Variants in JARID2 observed in about 807,000 individuals in gnomAD.
JARID2 encodes protein Jumonji.
A neutral mutation model predicts 125.6 loss-of-function variants in JARID2; 21 were observed. That is an observed-to-expected ratio of 0.17 (90% CI 0.12 to 0.24). The LOEUF is 0.24. Ranked by LOEUF, JARID2 falls within the 10% of genes least tolerant of loss-of-function variation. The pLI is 1.00. For missense variants in JARID2, 1,303 were observed against 1,639.6 expected (o/e 0.79, Z 3.55); for synonymous variants, 736 against 661.6 (o/e 1.11, Z -1.73).
chr6:15,479,448 A>T (rs9476830), intron 5 of JARID2, among the ~76,000 whole-genome samples: 2 of 152,260 alleles, frequency 1.3e-5, no homozygotes, highest in Admixed American at 6.5e-5. Context: ...ATCATTGCAC[A>T]TAATGCATTC....
chr6:15,265,295 C>T (rs919520006), intron 1 of JARID2, among the ~76,000 whole-genome samples: 3 of 151,164 alleles, frequency 2.0e-5, no homozygotes, highest in African/African-American at 7.3e-5. Context: ...CTTGACTACT[C>T]TTTGGAGGAA....
At chr6:15,517,433 T>C (rs1004366065) in intron 17 of JARID2, among the ~76,000 whole-genome samples, 165 bp downstream of exon 17, 1 of 152,142 alleles carries the variant, frequency 6.6e-6, no homozygotes, top group African/African-American at 2.4e-5. Flanking sequence ...TCAGGCCCCA[T>C]GTTAGGATCC....
chr6:15,377,622 C>T lies in JARID2; in HGVS notation c.181+3370C>T, dbSNP rs578041062. On this transcript the variant is annotated intron_variant, in intron 2 of 17. Transcript: ENST00000341776. ...CTGCGATTACAGGCATGCACCACCA[C>T]ACCTGGGCAACAAATTGAGACCCTG... Among the ~76,000 whole-genome samples the T allele has an allele frequency of 6.6e-5, 10 of 152,220 alleles. No individual in the cohort carries two copies. In the East Asian group the frequency reaches 1.7e-3, roughly 26 times the overall value.
rs371452020 is a variant in JARID2, at chr6:15,261,011, G to A, written c.45+14427G>A. On this transcript the variant is annotated intron_variant, in intron 1 of 17. Transcript: ENST00000341776. ...CTTTCCAGAATTTATTGGAGCATTA[G>A]GCAAAAGCCTCTTGGGAGTATAAAT... Among the ~76,000 whole-genome samples, 25 of 152,166 alleles carry A rather than the reference G, an allele frequency of 1.6e-4. No homozygotes were observed. The East Asian group carries it at 4.4e-3, about 27-fold the overall frequency.
At chr6:15,308,111 C>T (rs1761898851) in intron 1 of JARID2, among the ~76,000 whole-genome samples, 1 of 152,340 alleles carries the variant, frequency 6.6e-6, no homozygotes, top group Middle Eastern at 3.4e-3. Context: ...ACCCTCACCC[C>T]TTAGCAGCTT....
chr6:15,319,069 T>C (rs1463900896), intron 1 of JARID2, among the ~76,000 whole-genome samples: 2 of 152,246 alleles, frequency 1.3e-5, no homozygotes, highest in African/African-American at 4.8e-5. Flanking sequence ...CCTTTTGTAT[T>C]TACATAGAAA....
chr6:15,436,332 C>T (rs149062385), intron 3 of JARID2, among the ~76,000 whole-genome samples: 32 of 152,312 alleles, frequency 2.1e-4, no homozygotes, highest in Admixed American at 5.2e-4. Context: ...CCCCTGGAGG[C>T]GGGCTGCACG....
intron 4 of JARID2, among the ~76,000 whole-genome samples, chr6:15,452,619 C>G (rs1767969513): frequency 6.6e-6 from 1 of 152,272 alleles, no homozygotes; most frequent in Non-Finnish European, 1.5e-5. Context: ...ACTTACGGTT[C>G]TCTCAGCCCT....
At chr6:15,325,745 G>T (rs72834573) in intron 1 of JARID2, among the ~76,000 whole-genome samples, 1 of 152,132 alleles carries the variant, frequency 6.6e-6, no homozygotes, top group Non-Finnish European at 1.5e-5. Context: ...TTTCCAAGGC[G>T]AAAAGTAGTA....
intron 4 of JARID2, among the ~76,000 whole-genome samples, chr6:15,467,441 G>A (rs189576971): frequency 1.8e-4 from 27 of 151,930 alleles, no homozygotes; most frequent in Admixed American, 1.7e-3. Flanking sequence ...TTGTGTTTTA[G>A]AAGCCTCTGG....
chr6:15,258,584 C>T (rs1373039580), intron 1 of JARID2, among the ~76,000 whole-genome samples: 2 of 152,162 alleles, frequency 1.3e-5, no homozygotes, highest in African/African-American at 4.8e-5. Context: ...GAGTTTGAGG[C>T]CAGCCTGACT....
Position 15,419,717 on chromosome 6 carries a change from C to T in JARID2, c.323+9352C>T, listed in dbSNP as rs529895039. Among the ~76,000 whole-genome samples the T allele has an allele frequency of 9.9e-5, 15 of 152,284 alleles. No individual in the cohort carries two copies. The South Asian group carries it at 2.1e-3, about 21-fold the overall frequency. ...CTTCAGTGACACTGCCCCACTGTCC[C>T]GATGTGCATCATTTCTGATGAGAAT... On this transcript the variant is annotated intron_variant, in intron 3 of 17. Transcript: ENST00000341776.
chr6:15,402,711 C>T (rs897659048), intron 2 of JARID2, among the ~76,000 whole-genome samples: 1 of 152,124 alleles, frequency 6.6e-6, no homozygotes, highest in African/African-American at 2.4e-5. Context: ...CGGCTTTTGA[C>T]CTTGGAGGTG....
intron 12 of JARID2, among the ~76,000 whole-genome samples, chr6:15,509,632 T>C (rs1400013150): frequency 6.6e-6 from 1 of 152,250 alleles, no homozygotes; most frequent in Admixed American, 6.5e-5. Flanking sequence ...GCCAGGACTA[T>C]TCCGAGAGGT....
Position 15,496,516 on chromosome 6 carries a change from C to G in JARID2, c.1291C>G (p.Leu431Val). ...EVGGRQLREG[L>V]QLREGLRNSK... ...GGGGGGGCGGCAGCTGCGGGAGGGC[C>G]TGCAGCTGCGGGAGGGGCTGCGGAA... The change falls in exon 7 of 18, where the codon CTG (leucine) becomes GTG (valine). Residue 431 changes from leucine to valine, a missense_variant. Physicochemically the swap from Leu to Val is conservative, Grantham distance 32. This residue lies in a region of JARID2 where 651 missense variants were observed against 581.6 expected (regional missense o/e 1.12). Coordinates refer to ENST00000341776, the MANE Select transcript of JARID2 (RefSeq NM_004973.4). 6.2e-7 allele frequency: 1 copy of G among 1,605,814 alleles called. No homozygotes were observed. Among genetic ancestry groups the G allele is most frequent in the Non-Finnish European group, 8.5e-7 (1 of 1,176,584 alleles).
At chr6:15,438,023 T>C (rs779356712) in intron 3 of JARID2, among the ~76,000 whole-genome samples, 2 of 152,218 alleles carry the variant, frequency 1.3e-5, no homozygotes, top group Non-Finnish European at 2.9e-5. Context: ...ACAGGTTTAA[T>C]GTCTTGGGGC....
At chr6:15,469,284 GTCTCTGTC>G (rs1293841114) in intron 5 of JARID2, among the ~76,000 whole-genome samples, 12 of 74,960 alleles carry the variant, frequency 1.6e-4, no homozygotes, top group East Asian at 6.3e-4. Context: ...CTGTCTCTCT[GTCTCTGTC>G]TCTCTGTCTC....
chr6:15,389,645 C>T (rs986695169), intron 2 of JARID2, among the ~76,000 whole-genome samples: 2 of 152,194 alleles, frequency 1.3e-5, no homozygotes, highest in African/African-American at 4.8e-5. Context: ...AGCTGGAAGG[C>T]TCTCAGCTGG....
chr6:15,455,539 G>GT (rs1346634180), intron 4 of JARID2, among the ~76,000 whole-genome samples: 1 of 152,022 alleles, frequency 6.6e-6, no homozygotes, highest in Non-Finnish European at 1.5e-5. Context: ...TTGGAGCCAG[G>GT]TGTGTTTTTT....
Sources: gnomAD v4.1 joint callset for allele counts (sites outside exome capture counted in the v4.1 genomes callset) on GRCh38, gnomAD v4.1.1 for gene constraint, gnomAD v4.1.1 regional missense constraint, MANE v1.5 for transcripts, NCBI Gene and HGNC (gene_info 2026-07-23, HGNC 2026-07-21) for gene names.